RBFOX1: variants seen among roughly 807,000 people sequenced by gnomAD.
RBFOX1 encodes the protein RNA binding protein fox-1 homolog 1.
RBFOX1 carries 8 observed loss-of-function variants against 57.7 expected under a neutral mutation model. That is an observed-to-expected ratio of 0.14 (90% CI 0.08 to 0.25). RBFOX1 has a LOEUF of 0.25. Among genes scored for constraint, RBFOX1 ranks in the 10% least tolerant of loss-of-function variants. The pLI, the probability that RBFOX1 is intolerant of heterozygous loss-of-function variation, is 1.00. For synonymous variants in RBFOX1, 326 were observed against 222.4 expected (o/e 1.47, Z -4.15); for missense variants, 611 against 548.5 (o/e 1.11, Z -1.14).
chr16:6,428,091 T>C (rs1164883567), intron 2 of RBFOX1, among the ~76,000 whole-genome samples: 1 of 151,990 alleles, frequency 6.6e-6, no homozygotes, highest in Non-Finnish European at 1.5e-5. Context: ...AAGATCAACC[T>C]GGGCAACATA....
chr16:5,515,167 G>A (rs973149753), intron 2 of RBFOX1, among the ~76,000 whole-genome samples: 5 of 152,194 alleles, frequency 3.3e-5, no homozygotes, highest in East Asian at 1.9e-4. Flanking sequence ...CTTCAATACC[G>A]GGGATTACAT....
intron 3 of RBFOX1, among the ~76,000 whole-genome samples, chr16:7,017,368 G>A (rs1164327713): frequency 6.6e-6 from 1 of 152,108 alleles, no homozygotes; most frequent in African/African-American, 2.4e-5. Context: ...CAGTGCTAAC[G>A]GAGCTGAAAT....
chr16:6,869,942 G>A (rs1192114774), intron 3 of RBFOX1, among the ~76,000 whole-genome samples: 1 of 152,038 alleles, frequency 6.6e-6, no homozygotes, highest in African/African-American at 2.4e-5. Context: ...AGCGTCTTGG[G>A]GACTGCTTAC....
At chr16:5,441,023 A>G (rs1371613271) in intron 1 of RBFOX1, among the ~76,000 whole-genome samples, 1 of 152,170 alleles carries the variant, frequency 6.6e-6, no homozygotes, top group Non-Finnish European at 1.5e-5. Flanking sequence ...TTTCAAGAAC[A>G]AATTGATCGT....
intron 3 of RBFOX1, among the ~76,000 whole-genome samples, chr16:7,019,954 T>G (rs1293191918): frequency 3.3e-5 from 5 of 151,918 alleles, no homozygotes; most frequent in Admixed American, 2.0e-4. Context: ...CACCTGAAAC[T>G]ATATTCCCTT....
intron 4 of RBFOX1, among the ~76,000 whole-genome samples, chr16:7,444,963 G>C (rs2098797098): frequency 6.6e-6 from 1 of 152,022 alleles, no homozygotes; most frequent in Non-Finnish European, 1.5e-5. Flanking sequence ...TGTGTCATAT[G>C]AAGAACATGT....
At chr16:6,155,657 C>G (rs2096833166) in intron 1 of RBFOX1, among the ~76,000 whole-genome samples, 1 of 152,272 alleles carries the variant, frequency 6.6e-6, no homozygotes, top group South Asian at 2.1e-4. Context: ...GACTTTCTAT[C>G]CCACCAACTC....
intron 3 of RBFOX1, among the ~76,000 whole-genome samples, chr16:6,890,548 A>G (rs763726493): frequency 6.6e-6 from 1 of 152,118 alleles, no homozygotes. Flanking sequence ...AAACCCAAAG[A>G]ATGTTTGAAT....
chr16:7,331,152 A>G (rs1324190959), intron 4 of RBFOX1, among the ~76,000 whole-genome samples: 1 of 152,184 alleles, frequency 6.6e-6, no homozygotes. Flanking sequence ...ATGCAGCTAA[A>G]TCAAGCAACT....
intron 4 of RBFOX1, among the ~76,000 whole-genome samples, chr16:7,118,763 A>C (rs2066472023): frequency 6.6e-6 from 1 of 152,114 alleles, no homozygotes; most frequent in African/African-American, 2.4e-5. Context: ...CACCACAAGA[A>C]TTTGGTAAAA....
intron 4 of RBFOX1, among the ~76,000 whole-genome samples, chr16:7,197,214 T>C (rs1029329862): frequency 6.6e-6 from 1 of 152,172 alleles, no homozygotes; most frequent in Non-Finnish European, 1.5e-5. Flanking sequence ...CAAGCCTCCT[T>C]CATAGCCGTT....
chr16:7,427,398 G>T (rs913529096), intron 4 of RBFOX1, among the ~76,000 whole-genome samples: 2 of 152,112 alleles, frequency 1.3e-5, no homozygotes, highest in African/African-American at 4.8e-5. Flanking sequence ...AAGTTTGAGA[G>T]CCCCTGCTGA....
intron 1 of RBFOX1, among the ~76,000 whole-genome samples, chr16:5,277,976 G>A (rs2063182555): frequency 6.6e-6 from 1 of 152,132 alleles, no homozygotes; most frequent in African/African-American, 2.4e-5. Flanking sequence ...ACGGGTACAG[G>A]TATCCCGTTG....
intron 3 of RBFOX1, among the ~76,000 whole-genome samples, chr16:5,833,139 C>T (rs901532189): frequency 1.3e-5 from 2 of 152,134 alleles, no homozygotes; most frequent in African/African-American, 4.8e-5. Context: ...CATAAAGTCT[C>T]ACTGCAAAAG....
chr16:7,606,203 C>T (rs560712200), intron 9 of RBFOX1, among the ~76,000 whole-genome samples: 2 of 148,882 alleles, frequency 1.3e-5, no homozygotes, highest in East Asian at 2.0e-4. Flanking sequence ...CTCACTGCAA[C>T]CTCTGCCTCC....
At chr16:5,657,727 C>CTT (rs1596620877) in intron 3 of RBFOX1, among the ~76,000 whole-genome samples, 3 of 47,060 alleles carry the variant, frequency 6.4e-5, no homozygotes, top group Admixed American at 2.3e-4. Flanking sequence ...TCTTTTGTTT[C>CTT]TTTTCTTTTC....
intron 14 of RBFOX1, among the ~76,000 whole-genome samples, chr16:7,685,656 G>C (rs1331508419): frequency 6.6e-6 from 1 of 152,094 alleles, no homozygotes; most frequent in Non-Finnish European, 1.5e-5. Context: ...ATGTATGCTA[G>C]TATTTGCAGT....
intron 4 of RBFOX1, among the ~76,000 whole-genome samples, chr16:7,142,087 G>A (rs540499697): frequency 5.8e-4 from 88 of 152,078 alleles, no homozygotes; most frequent in African/African-American, 2.0e-3. Context: ...GCAGTGGTGT[G>A]ATCATAGCTC....
chr16:6,982,946 A>G (rs2089314325), intron 3 of RBFOX1, among the ~76,000 whole-genome samples: 1 of 144,212 alleles, frequency 6.9e-6, no homozygotes, highest in African/African-American at 2.6e-5. Flanking sequence ...GTGAGATAAC[A>G]TCATGCCATT....
Sources: gnomAD v4.1 joint callset for allele counts (sites outside exome capture counted in the v4.1 genomes callset) on GRCh38, gnomAD v4.1.1 for gene constraint, MANE v1.5 for transcripts, NCBI Gene and HGNC (gene_info 2026-07-23, HGNC 2026-07-21) for gene names.